The following AQP9 variants were observed in gnomAD, a reference collection of about 807,000 sequenced individuals.
AQP9 encodes the protein aquaporin 9.
In AQP9, 19 loss-of-function variants were observed where a neutral mutation model predicts 23.8. That is an observed-to-expected ratio of 0.80 (90% CI 0.56 to 1.17). AQP9 has a LOEUF of 1.17. AQP9 is among the 50% of genes most tolerant of loss of function. AQP9 has a pLI of 0.00. For synonymous variants in AQP9, 153 were observed against 131.5 expected (o/e 1.16, Z -1.12); for missense variants, 413 against 362.0 (o/e 1.14, Z -1.14).
At chr15:58,174,331 A>C (rs1898691728) in intron 3 of AQP9, among the ~76,000 whole-genome samples, 1 of 152,060 alleles carries the variant, frequency 6.6e-6, no homozygotes, top group Admixed American at 6.5e-5. Flanking sequence ...TAGGTTATGG[A>C]AAGGGACTTT....
rs375784825 is a variant in AQP9, at chr15:58,174,887, C to T, written c.377-31C>T. 4 of 1,582,794 alleles carry T rather than the reference C, an allele frequency of 2.5e-6. No homozygotes were observed. The African/African-American group carries it at 4.0e-5, about 16-fold the overall frequency. On this transcript the variant is annotated intron_variant, in intron 3 of 5. Coordinates refer to ENST00000219919, the MANE Select transcript of AQP9 (RefSeq NM_020980.5). ...GCCTCCTTCAACTCTTCCCAGGGAA[C>T]ACTAATGTGCCAGAGCTTTCTCTTT...
chr15:58,164,430 T>C (rs1898453940), intron 1 of AQP9, among the ~76,000 whole-genome samples: 1 of 152,222 alleles, frequency 6.6e-6, no homozygotes. Context: ...AAAATGTCAG[T>C]TCACCTGGAA....
At chr15:58,171,665 C>A (rs1898624614) in intron 2 of AQP9, among the ~76,000 whole-genome samples, 1 of 152,242 alleles carries the variant, frequency 6.6e-6, no homozygotes, top group South Asian at 2.1e-4. Context: ...ATTGTAGCCA[C>A]TGAGTGGCAG....
At chr15:58,177,385 C>G (rs1711055) in intron 4 of AQP9, among the ~76,000 whole-genome samples, 134,154 of 152,250 alleles carry the variant, frequency 0.88, 59,689 homozygotes, top group Non-Finnish European at 0.95. Context: ...GACACTGATA[C>G]AAGTAAAGTC....
At chr15:58,175,419 G>T (rs1295679915) in intron 4 of AQP9, among the ~76,000 whole-genome samples, 2 of 152,212 alleles carry the variant, frequency 1.3e-5, no homozygotes, top group Non-Finnish European at 2.9e-5. Flanking sequence ...TGTGAAGGGT[G>T]GTAGTTGAGC....
At chr15:58,138,801 G>T in intron 1 of AQP9, 125 bp downstream of exon 1, 1 of 800,490 alleles carries the variant, frequency 1.2e-6, no homozygotes, top group African/African-American at 1.7e-5. Flanking sequence ...ATCTTTTCCA[G>T]GAAGAAACAA....
Position 58,176,692 on chromosome 15 carries a change from C to T in AQP9, c.495+1656C>T, listed in dbSNP as rs562847597. On this transcript the variant is annotated intron_variant, in intron 4 of 5. Transcript: ENST00000219919. The stretch of plus-strand genomic sequence containing the variant: ...GTGGCGTGATCTCAGCTCACTGCAA[C>T]CTCCACCTCCCAGGTTCAAGCAATT... 2.6e-5 allele frequency among the ~76,000 whole-genome samples: 4 copies of T among 151,098 alleles called. No individual in the cohort carries two copies. The East Asian group carries it at 5.8e-4, about 22-fold the overall frequency.
intron 2 of AQP9, 38 bp downstream of exon 2, chr15:58,166,837 G>A: frequency 6.2e-7 from 1 of 1,607,708 alleles, no homozygotes; most frequent in Middle Eastern, 1.7e-4. Context: ...TCTTAATTCA[G>A]CCACTCCAAT....
At chr15:58,174,781 C>G in intron 3 of AQP9, 137 bp from the exon 4 acceptor site, 1 of 707,612 alleles carries the variant, frequency 1.4e-6, no homozygotes, top group Non-Finnish European at 2.5e-6. Context: ...TATCATTCCT[C>G]GGAAGTAGAG....
chr15:58,139,300 C>G (rs116244667), intron 1 of AQP9, among the ~76,000 whole-genome samples: 206 of 152,258 alleles, frequency 1.4e-3, no homozygotes, highest in African/African-American at 4.9e-3. Context: ...ATTTACAAGA[C>G]AATTACAAGA....
At chr15:58,149,187 G>A (rs1481913528) in intron 1 of AQP9, among the ~76,000 whole-genome samples, 2 of 152,176 alleles carry the variant, frequency 1.3e-5, no homozygotes, top group African/African-American at 4.8e-5. Flanking sequence ...TGTCACAGGA[G>A]GAACACTGGG....
intron 5 of AQP9, among the ~76,000 whole-genome samples, chr15:58,183,266 T>C (rs1898933088): frequency 6.6e-6 from 1 of 152,216 alleles, no homozygotes; most frequent in Non-Finnish European, 1.5e-5. Context: ...TCTAAGAAAT[T>C]ATTTACATGG....
chr15:58,166,398 C>A (rs549042449), intron 1 of AQP9, among the ~76,000 whole-genome samples: 1 of 152,154 alleles, frequency 6.6e-6, no homozygotes, highest in South Asian at 2.1e-4. Context: ...AAATCAGATA[C>A]CTAGATCATT....
At chr15:58,170,109 C>T (rs1286864794) in intron 2 of AQP9, among the ~76,000 whole-genome samples, 4 of 152,138 alleles carry the variant, frequency 2.6e-5, no homozygotes, top group African/African-American at 9.7e-5. Flanking sequence ...GACTCTCTGA[C>T]TCTAGTTCTC....
chr15:58,175,522 C>G (rs1215273707), intron 4 of AQP9, among the ~76,000 whole-genome samples: 1 of 152,162 alleles, frequency 6.6e-6, no homozygotes, highest in African/African-American at 2.4e-5. Context: ...GCTTATTGAC[C>G]TTTAAACAAG....
chr15:58,172,163 C>G (rs1304067545), intron 2 of AQP9, among the ~76,000 whole-genome samples: 2 of 152,188 alleles, frequency 1.3e-5, no homozygotes, highest in Non-Finnish European at 2.9e-5. Flanking sequence ...AATCCTGGTT[C>G]TTCCATTTAC....
intron 5 of AQP9, among the ~76,000 whole-genome samples, chr15:58,181,444 G>C (rs1042590917): frequency 6.6e-6 from 1 of 152,200 alleles, no homozygotes; most frequent in Non-Finnish European, 1.5e-5. Context: ...GAGGTCTACA[G>C]CTCCAAATTT....
chr15:58,158,790 A>G, intron 1 of AQP9, among the ~76,000 whole-genome samples: 1 of 152,196 alleles, frequency 6.6e-6, no homozygotes, highest in East Asian at 1.9e-4. Flanking sequence ...ATTTTTGGAC[A>G]ATGTTTGATG....
At chr15:58,162,228 G>T (rs143289490) in intron 1 of AQP9, among the ~76,000 whole-genome samples, 2 of 152,312 alleles carry the variant, frequency 1.3e-5, no homozygotes, top group Non-Finnish European at 2.9e-5. Flanking sequence ...ACCCAAGTGA[G>T]ACTCACTGGG....
Sources: allele counts gnomAD v4.1 joint callset (sites outside exome capture counted in the v4.1 genomes callset), GRCh38; gene constraint gnomAD v4.1.1; transcripts MANE v1.5; gene names NCBI Gene and HGNC (gene_info 2026-07-23, HGNC 2026-07-21).